Variants in ADAMTS6 observed in about 807,000 individuals in gnomAD.
ADAMTS6 encodes ADAM metallopeptidase with thrombospondin type 1 motif 6.
ADAMTS6 carries 23 observed loss-of-function variants against 144.3 expected under a neutral mutation model. The ratio of observed to expected loss-of-function variants is 0.16; its 90% CI spans 0.11 to 0.23. The LOEUF (loss-of-function observed/expected upper bound fraction) is 0.23. Ranked by LOEUF, ADAMTS6 falls within the 10% of genes least tolerant of loss-of-function variation. The pLI is 1.00. For missense variants in ADAMTS6, 999 were observed against 1,379.6 expected (o/e 0.72, Z 4.37); for synonymous variants, 444 against 457.5 (o/e 0.97, Z 0.38).
At chr5:65,244,056 T>C (rs1759432147) in intron 14 of ADAMTS6, among the ~76,000 whole-genome samples, 1 of 152,238 alleles carries the variant, frequency 6.6e-6, no homozygotes, top group East Asian at 1.9e-4. Context: ...GAAATATAAA[T>C]GTGTCCTATG....
rs934931764 is a variant in ADAMTS6 at position 65,178,022 on chromosome 5, C to T, written c.2911-5014G>A. Among the ~76,000 whole-genome samples the T allele has an allele frequency of 6.6e-5, 10 of 152,156 alleles. No individual in the cohort carries two copies. In the East Asian group the frequency reaches 1.2e-3, roughly 18 times the overall value. The stretch of plus-strand genomic sequence containing the variant: ...CACTAAGTTCACTTCGTGTCTCTCA[C>T]GACAGGGAGGAAACTTAGCTTCCTT... On this transcript the variant is annotated intron_variant, in intron 22 of 24. Transcript: ENST00000381055.
intron 12 of ADAMTS6, among the ~76,000 whole-genome samples, chr5:65,270,490 G>A (rs1051646542): frequency 2.0e-5 from 3 of 152,090 alleles, no homozygotes; most frequent in African/African-American, 7.2e-5. Flanking sequence ...TAAAAATGCA[G>A]GCTGATTTAG....
At chr5:65,464,693 A>G (rs1449651707) in intron 3 of ADAMTS6, among the ~76,000 whole-genome samples, 2 of 152,078 alleles carry the variant, frequency 1.3e-5, no homozygotes, top group Admixed American at 6.6e-5. Context: ...TCCTTCAAAT[A>G]TCTTGTCCCT....
rs1706151039 is a variant in ADAMTS6 at position 65,357,997 on chromosome 5, G to T, written c.1074-23912C>A. ...CTCATTTAATAAGGCAAGTATTATG[G>T]TACCAAAGCCAGGGAAGGACACCAC... On this transcript the variant is annotated intron_variant, in intron 7 of 24. Transcript: ENST00000381055. Among the ~76,000 whole-genome samples, 4 of 151,998 alleles carry T rather than the reference G, an allele frequency of 2.6e-5. No homozygotes were observed. The South Asian group carries it at 8.3e-4, about 31-fold the overall frequency.
chr5:65,387,322 T>C (rs1375359057), intron 7 of ADAMTS6, among the ~76,000 whole-genome samples: 1 of 152,232 alleles, frequency 6.6e-6, no homozygotes, highest in African/African-American at 2.4e-5. Flanking sequence ...CTTCATAGAT[T>C]AATTATTCCT....
chr5:65,304,509 T>G (rs543039288), intron 9 of ADAMTS6, among the ~76,000 whole-genome samples: 2 of 152,316 alleles, frequency 1.3e-5, no homozygotes, highest in Non-Finnish European at 2.9e-5. Context: ...CATGGCTCAC[T>G]GCAGCCTCGA....
chr5:65,271,213 C>G (rs989445774), intron 12 of ADAMTS6, among the ~76,000 whole-genome samples: 2 of 151,688 alleles, frequency 1.3e-5, no homozygotes, highest in Non-Finnish European at 2.9e-5. Context: ...AGTGGTGAAA[C>G]CCCATCTCTA....
chr5:65,451,685 T>G lies in ADAMTS6; in HGVS notation c.928-65A>C, dbSNP rs184819960. 2.5e-6 allele frequency: 4 copies of G among 1,573,570 alleles called. No individual in the cohort carries two copies. The Admixed American group carries it at 5.7e-5, about 22-fold the overall frequency. On this transcript the variant is annotated intron_variant, in intron 6 of 24. Transcript: ENST00000381055. ...TTACTAAGGTCAGTTGTTAAAACTT[T>G]TGAAGACTGAAGTGGGACTATAATT... is the stretch of plus-strand genomic sequence containing the variant.
chr5:65,329,260 T>C (rs1024141619), intron 9 of ADAMTS6, 118 bp downstream of exon 9: 8 of 809,282 alleles, frequency 9.9e-6, no homozygotes, highest in Admixed American at 5.6e-5. Context: ...ACATCATCTA[T>C]TGGAATCAGA....
intron 9 of ADAMTS6, among the ~76,000 whole-genome samples, chr5:65,320,556 T>C (rs112248364): frequency 0.024 from 3,481 of 142,828 alleles, 109 homozygotes; most frequent in East Asian, 0.086. Flanking sequence ...TTTTCTCTCT[T>C]TTTTTTTTTT....
chr5:65,188,611 G>C (rs992325301), intron 21 of ADAMTS6, among the ~76,000 whole-genome samples: 1 of 152,160 alleles, frequency 6.6e-6, no homozygotes, highest in East Asian at 1.9e-4. Flanking sequence ...TATGGCAGGG[G>C]GTGGGGGAGT....
chr5:65,361,652 TAGTA>T (rs564359075), intron 7 of ADAMTS6, among the ~76,000 whole-genome samples: 3 of 152,290 alleles, frequency 2.0e-5, no homozygotes, highest in Admixed American at 2.0e-4. Context: ...GGCTAGGAAA[TAGTA>T]AGTCAATGCA....
At chr5:65,421,353 T>C (rs1337479521) in intron 7 of ADAMTS6, among the ~76,000 whole-genome samples, 1 of 152,206 alleles carries the variant, frequency 6.6e-6, no homozygotes, top group Non-Finnish European at 1.5e-5. Flanking sequence ...ACAAAATTCA[T>C]GGCTGACAGT....
At chr5:65,389,161 G>A (rs547477052) in intron 7 of ADAMTS6, among the ~76,000 whole-genome samples, 34 of 151,898 alleles carry the variant, frequency 2.2e-4, no homozygotes, top group African/African-American at 7.5e-4. Flanking sequence ...CTGAGATCGC[G>A]CCACTGCACT....
At chr5:65,206,382 G>A (rs1247079008) in intron 20 of ADAMTS6, among the ~76,000 whole-genome samples, 1 of 152,152 alleles carries the variant, frequency 6.6e-6, no homozygotes, top group East Asian at 1.9e-4. Flanking sequence ...ATAGTAGTTG[G>A]AAATCATATA....
At chr5:65,162,660 C>CACACA (rs1554040008) in intron 24 of ADAMTS6, among the ~76,000 whole-genome samples, 1 of 148,308 alleles carries the variant, frequency 6.7e-6, no homozygotes, top group Non-Finnish European at 1.5e-5. Context: ...CACACACACA[C>CACACA]TTGCAGAGAG....
At chr5:65,444,776 A>G (rs1758132581) in intron 7 of ADAMTS6, among the ~76,000 whole-genome samples, 1 of 149,876 alleles carries the variant, frequency 6.7e-6, no homozygotes, top group Admixed American at 6.7e-5. Context: ...AGGATACCAC[A>G]TTTTTTTTTT....
At chr5:65,163,702 G>GT (rs1046337263) in intron 24 of ADAMTS6, among the ~76,000 whole-genome samples, 5 of 152,114 alleles carry the variant, frequency 3.3e-5, no homozygotes, top group Admixed American at 1.3e-4. Context: ...TTAATGATAG[G>GT]TTTTTTCAGG....
intron 9 of ADAMTS6, among the ~76,000 whole-genome samples, chr5:65,325,299 T>C (rs1346505573): frequency 6.6e-6 from 1 of 152,122 alleles, no homozygotes; most frequent in Non-Finnish European, 1.5e-5. Context: ...GTAAATTACA[T>C]CTAAATAATG....
Sources: gnomAD v4.1 joint callset for allele counts (sites outside exome capture counted in the v4.1 genomes callset) on GRCh38, gnomAD v4.1.1 for gene constraint, MANE v1.5 for transcripts, NCBI Gene and HGNC (gene_info 2026-07-23, HGNC 2026-07-21) for gene names.